The following PCDHGB3 variants were observed in gnomAD, a reference collection of about 807,000 sequenced individuals.
PCDHGB3 encodes the protein protocadherin gamma subfamily B, 3, also known as protocadherin gamma-B3.
Under a neutral mutation model 59.2 loss-of-function variants are expected in PCDHGB3, and 40 were observed. That is an observed-to-expected ratio of 0.68 (90% CI 0.52 to 0.88). The LOEUF (loss-of-function observed/expected upper bound fraction) is 0.88, where lower values mean the gene tolerates loss of function less well. Ranked by LOEUF, PCDHGB3 falls within the 40% of genes least tolerant of loss-of-function variation. The pLI, the probability that PCDHGB3 is intolerant of heterozygous loss-of-function variation, is 0.00. For synonymous variants in PCDHGB3, 581 were observed against 503.6 expected, an observed-to-expected ratio of 1.15 and a Z score of -2.06; for missense variants, 1,309 against 1,187.9, an observed-to-expected ratio of 1.10 and a Z score of -1.50.
chr5:141,474,563 A>G lies in PCDHGB3; in HGVS notation c.2416-20244A>G, dbSNP rs143794984. 1.4e-3 allele frequency among the ~76,000 whole-genome samples: 210 copies of G among 152,332 alleles called. 2 individuals are homozygous for G. The highest frequency in any genetic ancestry group is 5.0e-3 in the African/African-American group (207 of 41,572). ...TGAGCATTTAAAACTGGGGGTTTTC[A>G]GAGATTAATTGAAGTGTTAAAGACA... On this transcript the variant is annotated intron_variant, in intron 1 of 3. Coordinates refer to ENST00000576222, the MANE Select transcript of PCDHGB3 (RefSeq NM_018924.5).
At chr5:141,402,456 C>T (rs1052745008) in intron 1 of PCDHGB3, among the ~76,000 whole-genome samples, 1 of 152,050 alleles carries the variant, frequency 6.6e-6, no homozygotes, top group African/African-American at 2.4e-5. Flanking sequence ...TAATAGTTTA[C>T]ATATCTAGAA....
chr5:141,460,091 A>G (rs2098981847), intron 1 of PCDHGB3, among the ~76,000 whole-genome samples: 1 of 152,002 alleles, frequency 6.6e-6, no homozygotes, highest in Non-Finnish European at 1.5e-5. Flanking sequence ...AATAATAATT[A>G]TACATGTAAT....
At chr5:141,495,605 T>G (rs1201224193) in intron 2 of PCDHGB3, among the ~76,000 whole-genome samples, 2 of 152,228 alleles carry the variant, frequency 1.3e-5, no homozygotes, top group African/African-American at 2.4e-5. Context: ...GCTTCCGTCT[T>G]GATTGCTGCA....
At chr5:141,408,712 T>G in intron 1 of PCDHGB3, 1 of 1,612,332 alleles carries the variant, frequency 6.2e-7, no homozygotes, top group Non-Finnish European at 8.5e-7. Flanking sequence ...TTAAAGATTA[T>G]AAGATAAACT....
At position 141,384,825 on chromosome 5, in the gene PCDHGB3, C is replaced by T. The variant is rs570988671; in HGVS notation, c.2415+12016C>T. On this transcript the variant is annotated intron_variant, in intron 1 of 3. Transcript: ENST00000576222. ...ACAGAGATGCCCTCAAGCAGAGCCT[C>T]GTGGTGGCCGTCCAGGACCACGGTC... The T allele has an allele frequency of 5.0e-6, 8 of 1,613,474 alleles. No homozygotes were observed. The African/African-American group carries it at 9.3e-5, about 19-fold the overall frequency.
chr5:141,404,455 C>T, intron 1 of PCDHGB3: 1 of 1,611,994 alleles, frequency 6.2e-7, no homozygotes, highest in Non-Finnish European at 8.5e-7. Context: ...GGTCTCCTCT[C>T]TCCACCTATG....
In PCDHGB3 at chr5:141,404,772, G is replaced by A. The variant is rs764262966; in HGVS notation, c.2415+31963G>A. On this transcript the variant is annotated intron_variant, in intron 1 of 3. Transcript: ENST00000576222. ...GGCCAGAATGCTTGGCTCTCCTACC[G>A]CCTATTCAAGGCCAGTGAGCCAGGG... The A allele has an allele frequency of 9.9e-6, 16 of 1,613,820 alleles. No individual in the cohort carries two copies. The highest frequency in any genetic ancestry group is 5.0e-5 in the Admixed American group (3 of 60,000).
intron 1 of PCDHGB3, chr5:141,374,829 T>A: frequency 1.2e-6 from 2 of 1,613,956 alleles, no homozygotes; most frequent in South Asian, 1.1e-5. Flanking sequence ...GTCTACCGTG[T>A]AAGTGTTCCT....
At chr5:141,452,951 G>A (rs1397204185) in intron 1 of PCDHGB3, among the ~76,000 whole-genome samples, 1 of 152,154 alleles carries the variant, frequency 6.6e-6, no homozygotes, top group Admixed American at 6.6e-5. Context: ...GCAATTGGTT[G>A]TCTTTAAACT....
At chr5:141,373,335 A>G (rs1769489383) in intron 1 of PCDHGB3, among the ~76,000 whole-genome samples, 1 of 152,236 alleles carries the variant, frequency 6.6e-6, no homozygotes, top group Admixed American at 6.5e-5. Flanking sequence ...GGCATCTAAA[A>G]TGGCAACTCT....
At chr5:141,405,218 G>C in intron 1 of PCDHGB3, 3 of 1,613,986 alleles carry the variant, frequency 1.9e-6, no homozygotes, top group Non-Finnish European at 2.5e-6. Context: ...CTATTCTCAG[G>C]AGTTCTCCCT....
In PCDHGB3 at chr5:141,512,443, CCTT is replaced by C. The variant is rs1263805618; in HGVS notation, c.*1272_*1274del. On this transcript the variant is annotated 3_prime_UTR_variant, in exon 4 of 4. Coordinates refer to ENST00000576222, the MANE Select transcript of PCDHGB3 (RefSeq NM_018924.5). ...GCCCCTGCCCTCCTGAAGCCTCAGT[CCTT>C]CACCTTGCCAGGTGCCGTTTCTCTT... The C allele has an allele frequency of 1.3e-5, 2 of 152,896 alleles. No homozygotes were observed. The highest frequency in any genetic ancestry group is 4.8e-5 in the African/African-American group (2 of 41,468). 9.5% of individuals were successfully genotyped at this position (152,896 alleles called of 1,614,324 possible).
intron 1 of PCDHGB3, chr5:141,402,944 G>C (rs1487270083): frequency 2.5e-6 from 4 of 1,592,136 alleles, no homozygotes; most frequent in African/African-American, 1.3e-5. Context: ...ATTCCAAAGC[G>C]AGGCAGCAAT....
intron 1 of PCDHGB3, among the ~76,000 whole-genome samples, chr5:141,380,002 C>T (rs1238165554): frequency 6.9e-6 from 1 of 143,940 alleles, no homozygotes; most frequent in African/African-American, 2.6e-5. Flanking sequence ...TGGGTTCAAG[C>T]GATTCTCCTG....
At chr5:141,401,214 C>T (rs894124786) in intron 1 of PCDHGB3, among the ~76,000 whole-genome samples, 4 of 151,920 alleles carry the variant, frequency 2.6e-5, no homozygotes, top group Non-Finnish European at 4.4e-5. Context: ...TGGTGGCGGG[C>T]GCCTGTAATC....
intron 1 of PCDHGB3, among the ~76,000 whole-genome samples, chr5:141,465,592 A>G (rs1485357197): frequency 6.6e-6 from 1 of 152,046 alleles, no homozygotes; most frequent in Non-Finnish European, 1.5e-5. Flanking sequence ...TAATAATCAG[A>G]TCTTATCACT....
At position 141,371,562 on chromosome 5, in the gene PCDHGB3, T is replaced by G; in HGVS notation, c.1168T>G (p.Phe390Val). 6.2e-7 allele frequency: 1 copy of G among 1,613,852 alleles called. No homozygotes were observed. Among genetic ancestry groups the G allele is most frequent in the Non-Finnish European group, 8.5e-7 (1 of 1,179,796 alleles). ...AATCCTATGCCAACTAAAAGGAAAC[T>G]TCCCCTTTAAAATCGTTCAAGATAC... ...GEILCQLKGN[F>V]PFKIVQDTKN... Residue 390 changes from phenylalanine (F) to valine (V), a missense_variant, in exon 1 of 4, where the codon TTC becomes GTC. Physicochemically the swap from Phe to Val is conservative, Grantham distance 50 (BLOSUM62 -1). Coordinates refer to ENST00000576222, the MANE Select transcript of PCDHGB3 (RefSeq NM_018924.5).
chr5:141,419,735 G>T (rs1013306543), intron 1 of PCDHGB3: 1 of 1,613,806 alleles, frequency 6.2e-7, no homozygotes, highest in Non-Finnish European at 8.5e-7. Context: ...AACAGGCGAG[G>T]TGCGCATGGT....
Position 141,371,477 on chromosome 5 carries a change from G to A in PCDHGB3, c.1083G>A (p.Glu361=), listed in dbSNP as rs1027262154. The A allele has an allele frequency of 1.9e-6, 3 of 1,613,854 alleles. No homozygotes were observed. The highest frequency in any genetic ancestry group is 2.5e-6 in the Non-Finnish European group (3 of 1,179,870). The change falls in exon 1 of 4, where the codon GAG becomes GAA. Residue 361 remains glutamate, a synonymous_variant. Transcript: ENST00000576222. ...SESQHIQEDA[E]LGTAVALIKT... is the part of the protein sequence containing the mutation. ...CCCAACATATACAAGAAGATGCTGA[G>A]CTGGGGACTGCCGTTGCCCTGATCA... is the stretch of plus-strand genomic sequence containing the variant.
Sources: gnomAD v4.1 joint callset for allele counts (sites outside exome capture counted in the v4.1 genomes callset) on GRCh38, gnomAD v4.1.1 for gene constraint, MANE v1.5 for transcripts, NCBI Gene and HGNC (gene_info 2026-07-23, HGNC 2026-07-21) for gene names.